FANCI: variants seen among roughly 807,000 people sequenced by gnomAD.
The protein encoded by FANCI is FA complementation group I, also known as Fanconi anemia group I protein.
Under a neutral mutation model 176.1 loss-of-function variants are expected in FANCI, and 156 were observed. That is an observed-to-expected ratio of 0.89 (90% CI 0.78 to 1.01). The LOEUF is 1.01. Ranked by LOEUF, FANCI falls within the 50% of genes least tolerant of loss-of-function variation. The pLI is 0.00. For synonymous variants in FANCI, 613 were observed against 541.7 expected (o/e 1.13, Z -1.83); for missense variants, 1,678 against 1,534.1 (o/e 1.09, Z -1.57).
At chr15:89,286,570 C>T (rs1367535040) in intron 18 of FANCI, among the ~76,000 whole-genome samples, 1 of 151,984 alleles carries the variant, frequency 6.6e-6, no homozygotes, top group African/African-American at 2.4e-5. Context: ...TTTTTCTGAG[C>T]AGTAGGTCTC....
intron 18 of FANCI, among the ~76,000 whole-genome samples, chr15:89,289,375 G>A (rs1009632767): frequency 2.6e-5 from 4 of 151,918 alleles, no homozygotes; most frequent in African/African-American, 9.7e-5. Context: ...TCGGGTCTCA[G>A]CTCACCACAA....
Position 89,314,800 on chromosome 15 carries a change from G to A in FANCI, c.3816+93G>A, listed in dbSNP as rs559827805. On this transcript the variant is annotated intron_variant, in intron 36 of 37. Transcript: ENST00000310775. Reference sequence around the variant, plus strand: ...AGCACAACTACAATGGAGGAAAAGAGACTCTGGGCCATTTGTGTGTTTGCC... The same window carrying A: ...AGCACAACTACAATGGAGGAAAAGAAACTCTGGGCCATTTGTGTGTTTGCC... The A allele has an allele frequency of 1.6e-4, 124 of 784,108 alleles. 1 individual carries two copies. In the East Asian group the frequency reaches 2.7e-3, roughly 17 times the overall value. 48.6% of individuals were successfully genotyped at this position (784,108 alleles called of 1,614,324 possible). A position where few individuals can be genotyped will look rare whatever the true frequency, so the allele number is the denominator to read the frequency against.
chr15:89,303,715 C>T (rs1180779094), intron 27 of FANCI, 149 bp from the exon 28 acceptor site: 4 of 653,202 alleles, frequency 6.1e-6, no homozygotes, highest in Non-Finnish European at 1.1e-5. Flanking sequence ...TTTTTATGCC[C>T]TTCATCATAT....
At chr15:89,282,850 C>T in intron 16 of FANCI, 1 of 402,104 alleles carries the variant, frequency 2.5e-6, no homozygotes, top group Middle Eastern at 7.9e-4. Flanking sequence ...GCCAATTTTA[C>T]AGTCTCTCAG....
chr15:89,253,797 G>T (rs1332000632), intron 2 of FANCI, among the ~76,000 whole-genome samples: 1 of 130,216 alleles, frequency 7.7e-6, no homozygotes, highest in Non-Finnish European at 1.6e-5. Flanking sequence ...GGGGGGGGGG[G>T]GGAAGATAAA....
At chr15:89,290,833 G>A (rs1334958971) in intron 19 of FANCI, among the ~76,000 whole-genome samples, 1 of 152,100 alleles carries the variant, frequency 6.6e-6, no homozygotes, top group African/African-American at 2.4e-5. Flanking sequence ...ATTGCTTTGT[G>A]ATAGTTATGA....
intron 37 of FANCI, among the ~76,000 whole-genome samples, chr15:89,315,593 A>AAGATGAGAGCAAAGGACTC (rs1417226542): frequency 6.6e-6 from 1 of 152,228 alleles, no homozygotes. Flanking sequence ...GACTTGTTTG[A>AAGATGAGAGCAAAGGACTC]TAAACACTTC....
At chr15:89,273,885 T>C (rs537678128) in intron 11 of FANCI, among the ~76,000 whole-genome samples, 3 of 152,294 alleles carry the variant, frequency 2.0e-5, no homozygotes, top group East Asian at 3.9e-4. Context: ...GTAATATTTA[T>C]ATTGACTTTT....
Position 89,258,711 on chromosome 15 carries a change from A to G in FANCI, c.92A>G (p.Asn31Ser), listed in dbSNP as rs745341673. The G allele has an allele frequency of 2.5e-6, 4 of 1,613,168 alleles. No individual in the cohort carries two copies. Among genetic ancestry groups the G allele is most frequent in the Non-Finnish European group, 2.5e-6 (3 of 1,179,316 alleles). ...CTTTTTCTTTCTTTGCAGTTGACTA[A>G]TCTCCTTCAGAATCAAGCAGTGAAA... is the stretch of plus-strand genomic sequence containing the variant. ...LQTLREGDLT[N>S]LLQNQAVKGK... Residue 31 changes from asparagine to serine, a missense_variant, in exon 3 of 38, where the codon AAT becomes AGT. Asn to Ser is a conservative substitution (Grantham distance 46). Transcript: ENST00000310775.
rs773468132 is a variant in FANCI at position 89,316,358 on chromosome 15, G to A, written c.3925-39G>A. The A allele has an allele frequency of 3.2e-6, 5 of 1,587,272 alleles. No individual in the cohort carries two copies. The African/African-American group carries it at 5.4e-5, about 17-fold the overall frequency. On this transcript the variant is annotated intron_variant, in intron 37 of 37. Transcript: ENST00000310775. ...TTTTTATTTCCACTGCCTTGGAGCA[G>A]GTTTATCACGTTAGAGCATTAATTC... is the stretch of plus-strand genomic sequence containing the variant.
chr15:89,315,528 G>T (rs909950282), intron 37 of FANCI, 139 bp downstream of exon 37: 1 of 699,662 alleles, frequency 1.4e-6, no homozygotes, highest in Non-Finnish European at 2.6e-6. Flanking sequence ...GAGAGCAAAG[G>T]ACTCTCAGAA....
At chr15:89,255,807 A>G (rs1253330329) in intron 2 of FANCI, among the ~76,000 whole-genome samples, 1 of 152,224 alleles carries the variant, frequency 6.6e-6, no homozygotes, top group East Asian at 1.9e-4. Context: ...AGCATAACTG[A>G]ACATGGTCAA....
rs1377037041 is a variant in FANCI, at chr15:89,293,884, C to T, written c.2343C>T (p.Leu781=). 6.2e-7 allele frequency: 1 copy of T among 1,614,098 alleles called. No homozygotes were observed. The highest frequency in any genetic ancestry group is 1.7e-5 in the Admixed American group (1 of 60,016). The part of the protein sequence containing the change: ...ILSLFMCYKK[L]SDILNEKAGK... ...GCTTATTTATGTGTTACAAAAAACT[C>T]TCTGACATTCTTAATGAAAAAGCGG... Residue 781 remains leucine, a synonymous_variant, in exon 23 of 38, where the codon CTC becomes CTT. Transcript: ENST00000310775.
In FANCI at chr15:89,293,060, T is replaced by A; in HGVS notation, c.2288T>A (p.Phe763Tyr). The A allele has an allele frequency of 6.2e-7, 1 of 1,613,302 alleles. No individual in the cohort carries two copies. Among genetic ancestry groups the A allele is most frequent in the Non-Finnish European group, 8.5e-7 (1 of 1,179,846 alleles). Reference protein sequence around the residue: ...LIEYNFSISSFSKNRFEDILS... With the variant: ...LIEYNFSISSYSKNRFEDILS... ...GAATACAATTTCTCCATAAGTAGTTTCAGGTAAGGTTTTGCTATAACTCCA... is the reference window on the plus strand; with the variant it reads ...GAATACAATTTCTCCATAAGTAGTTACAGGTAAGGTTTTGCTATAACTCCA... Residue 763 changes from phenylalanine (F) to tyrosine (Y), a missense_variant, in exon 22 of 38, where the codon TTC (phenylalanine) becomes TAC (tyrosine). By Grantham distance (22) the Phe-to-Tyr change is conservative. This residue lies in a region of FANCI where 1,204 missense variants were observed against 1,077.4 expected (regional missense o/e 1.12). Coordinates refer to ENST00000310775, the MANE Select transcript of FANCI (RefSeq NM_001113378.2).
At position 89,307,892 on chromosome 15, in the gene FANCI, A is replaced by G. The variant is rs16942991; in HGVS notation, c.3651+220A>G. 0.015 allele frequency: 21,451 copies of G among 1,426,244 alleles called. 2,174 individuals carry two copies. The African/African-American group carries it at 0.24, about 16-fold the overall frequency. The allele number at this position is 1,426,244 out of a possible 1,614,324, so 88.3% of individuals were successfully genotyped here. Reference sequence around the variant, plus strand: ...TTCACTTAATTTGGAGAAAGGAAGCATATATGTTTGCATTTGGAGCAAGGA... The same window carrying G: ...TTCACTTAATTTGGAGAAAGGAAGCGTATATGTTTGCATTTGGAGCAAGGA... On this transcript the variant is annotated intron_variant, in intron 34 of 37. Transcript: ENST00000310775.
At position 89,303,887 on chromosome 15, in the gene FANCI, A is replaced by G. The variant is rs377558110; in HGVS notation, c.3030A>G (p.Thr1010=). 6.2e-7 allele frequency: 1 copy of G among 1,614,018 alleles called. No individual in the cohort carries two copies. The highest frequency in any genetic ancestry group is 2.2e-5 in the East Asian group (1 of 44,876). ...SPQFVQMLSW[T]SKICKENSRE... ...AGTTTGTGCAGATGTTATCCTGGAC[A>G]TCAAAGATTTGCAAGGAAAACAGCC... Residue 1010 remains threonine (T), a synonymous_variant, in exon 28 of 38, where the codon ACA becomes ACG. Coordinates refer to ENST00000310775, the MANE Select transcript of FANCI (RefSeq NM_001113378.2).
intron 18 of FANCI, among the ~76,000 whole-genome samples, chr15:89,285,857 C>G (rs2053795224): frequency 6.6e-6 from 1 of 152,060 alleles, no homozygotes; most frequent in South Asian, 2.1e-4. Context: ...CTTTAAGCTA[C>G]CTCAGATACA....
At chr15:89,255,854 G>A (rs889830347) in intron 2 of FANCI, among the ~76,000 whole-genome samples, 3 of 152,234 alleles carry the variant, frequency 2.0e-5, no homozygotes, top group African/African-American at 7.2e-5. Context: ...GAAGGAGGAA[G>A]AAGGGGAGTA....
chr15:89,292,296 C>T (rs1318319845), intron 20 of FANCI, among the ~76,000 whole-genome samples: 1 of 152,236 alleles, frequency 6.6e-6, no homozygotes, highest in Non-Finnish European at 1.5e-5. Context: ...GAGATGTCCT[C>T]AGCCTAGATC....
Sources: gnomAD v4.1 joint callset for allele counts (sites outside exome capture counted in the v4.1 genomes callset) on GRCh38, gnomAD v4.1.1 for gene constraint, gnomAD v4.1.1 regional missense constraint, MANE v1.5 for transcripts, NCBI Gene and HGNC (gene_info 2026-07-23, HGNC 2026-07-21) for gene names.